DOCK4: variants seen among roughly 807,000 people sequenced by gnomAD.
DOCK4 encodes the protein dedicator of cytokinesis protein 4.
A neutral mutation model predicts 268.1 loss-of-function variants in DOCK4; 97 were observed. The observed-to-expected ratio is 0.36, with a 90% CI of 0.31 to 0.43. The LOEUF is 0.43. Ranked by LOEUF, DOCK4 falls within the 20% of genes least tolerant of loss-of-function variation. The pLI is 1.00. For missense variants in DOCK4, 2,145 were observed against 2,455.7 expected (o/e 0.87, Z 2.67); for synonymous variants, 954 against 887.2 (o/e 1.08, Z -1.34).
At chr7:111,843,667 C>G (rs1240965637) in intron 25 of DOCK4, among the ~76,000 whole-genome samples, 6 of 151,980 alleles carry the variant, frequency 3.9e-5, no homozygotes, top group African/African-American at 1.4e-4. Context: ...ATTTTATATT[C>G]CTGTATATAT....
At chr7:112,093,733 G>C (rs10278148) in intron 1 of DOCK4, among the ~76,000 whole-genome samples, 1 of 152,104 alleles carries the variant, frequency 6.6e-6, no homozygotes, top group Non-Finnish European at 1.5e-5. Context: ...AGTTTTTAAG[G>C]AAGAGAACGT....
At chr7:112,162,014 C>G (rs948331432) in intron 1 of DOCK4, among the ~76,000 whole-genome samples, 1 of 152,092 alleles carries the variant, frequency 6.6e-6, no homozygotes, top group Admixed American at 6.6e-5. Flanking sequence ...TGTATAAAAG[C>G]TTGTGAAAAA....
In DOCK4 at chr7:111,732,270, T is replaced by G. The variant is rs1345724187; in HGVS notation, c.5437A>C (p.Thr1813Pro). The G allele has an allele frequency of 4.3e-6, 7 of 1,613,860 alleles. No homozygotes were observed. Among genetic ancestry groups the G allele is most frequent in the Non-Finnish European group, 4.2e-6 (5 of 1,179,884 alleles). Residue 1813 changes from threonine (T) to proline (P), a missense_variant, in exon 52 of 53, where the codon ACG becomes CCG. This residue lies in a region of DOCK4 where 547 missense variants were observed against 469.0 expected (regional missense o/e 1.17). Coordinates refer to ENST00000428084, the MANE Select transcript of DOCK4 (RefSeq NM_001363540.2). ...PTQTASPARH[T>P]TSVSPSPAGR... ...GCAGGCGAGGGGGATACTGATGTCG[T>G]GTGTCTTGCTGGTGAAGCTGTCAAT...
intron 46 of DOCK4, 120 bp downstream of exon 46, chr7:111,741,420 G>T (rs1349296559): frequency 2.1e-6 from 3 of 1,452,084 alleles, no homozygotes; most frequent in Non-Finnish European, 2.8e-6. Flanking sequence ...TGCCTCGCGG[G>T]TTAGTTATTT....
chr7:112,008,928 G>C (rs989925020), intron 1 of DOCK4, among the ~76,000 whole-genome samples: 1 of 152,230 alleles, frequency 6.6e-6, no homozygotes, highest in African/African-American at 2.4e-5. Context: ...GGGAGGCGGA[G>C]GTTGCAGTGA....
intron 52 of DOCK4, among the ~76,000 whole-genome samples, chr7:111,730,358 G>A (rs1352417924): frequency 6.6e-6 from 1 of 152,080 alleles, no homozygotes; most frequent in African/African-American, 2.4e-5. Flanking sequence ...TTTCTCCCCC[G>A]CTTATTACAT....
At chr7:112,134,989 A>G (rs957767630) in intron 1 of DOCK4, among the ~76,000 whole-genome samples, 6 of 152,042 alleles carry the variant, frequency 3.9e-5, no homozygotes, top group African/African-American at 1.5e-4. Flanking sequence ...ATTAAAACAT[A>G]TATGTGTGTG....
At chr7:111,878,125 G>T (rs1807067786) in intron 16 of DOCK4, among the ~76,000 whole-genome samples, 1 of 152,196 alleles carries the variant, frequency 6.6e-6, no homozygotes, top group East Asian at 1.9e-4. Flanking sequence ...GAATCCAAAA[G>T]ATGGGGGTTT....
intron 1 of DOCK4, among the ~76,000 whole-genome samples, chr7:112,094,622 G>T (rs1809939477): frequency 6.6e-6 from 1 of 152,116 alleles, no homozygotes; most frequent in Non-Finnish European, 1.5e-5. Context: ...AGAAAGTTTT[G>T]AAACTGAAAA....
At chr7:111,921,615 A>G (rs1793144720) in intron 12 of DOCK4, among the ~76,000 whole-genome samples, 2 of 152,220 alleles carry the variant, frequency 1.3e-5, no homozygotes, top group Admixed American at 1.3e-4. Flanking sequence ...TTTAAGAATC[A>G]TATCATATGG....
chr7:112,187,761 G>T (rs1370571538), intron 1 of DOCK4, among the ~76,000 whole-genome samples: 1 of 152,154 alleles, frequency 6.6e-6, no homozygotes. Flanking sequence ...GACCAATTTT[G>T]CACAGTATGG....
intron 1 of DOCK4, among the ~76,000 whole-genome samples, chr7:112,059,436 C>T (rs1247322044): frequency 6.6e-6 from 1 of 152,174 alleles, no homozygotes; most frequent in Non-Finnish European, 1.5e-5. Context: ...GCCACCACCC[C>T]ACCCGCGTTT....
chr7:111,851,032 C>T (rs968328996), intron 23 of DOCK4, among the ~76,000 whole-genome samples: 5 of 152,172 alleles, frequency 3.3e-5, no homozygotes, highest in Admixed American at 6.5e-5. Context: ...GATGCTAGAA[C>T]AATTGGATAC....
intron 31 of DOCK4, among the ~76,000 whole-genome samples, chr7:111,790,058 T>C (rs1799423952): frequency 6.6e-6 from 1 of 152,172 alleles, no homozygotes; most frequent in Non-Finnish European, 1.5e-5. Context: ...TAAAACATAC[T>C]GTAAATCAAA....
intron 8 of DOCK4, among the ~76,000 whole-genome samples, chr7:111,949,609 C>A (rs1029319326): frequency 6.6e-6 from 1 of 151,402 alleles, no homozygotes; most frequent in African/African-American, 2.4e-5. Context: ...ATGTACAGTT[C>A]TTTTAAAAGC....
intron 23 of DOCK4, among the ~76,000 whole-genome samples, chr7:111,860,458 C>T (rs148925699): frequency 5.3e-5 from 8 of 152,326 alleles, no homozygotes; most frequent in African/African-American, 1.4e-4. Flanking sequence ...CATCCTGCTG[C>T]GGCAGTGACA....
In DOCK4 at chr7:111,994,215, T is replaced by A; in HGVS notation, c.235A>T (p.Ile79Phe). The A allele has an allele frequency of 6.3e-7, 1 of 1,592,362 alleles. No individual in the cohort carries two copies. The highest frequency in any genetic ancestry group is 8.6e-7 in the Non-Finnish European group (1 of 1,167,430). Residue 79 changes from isoleucine (I) to phenylalanine (F), a missense_variant, in exon 5 of 53, where the codon ATT becomes TTT. Ile to Phe is a conservative substitution (Grantham distance 21). Around this residue, in one of 2 missense-constraint regions of DOCK4, gnomAD observed 1,598 missense variants for 1,986.7 expected, o/e 0.80. Transcript: ENST00000428084. The part of the protein sequence containing the change: ...VKNKGQFEMV[I>F]PTEDSVITEM... Reference sequence around the variant, plus strand: ...GTGATAACAGAGTCTTCAGTGGGAATAACCATTTCAAATTGTCTGTGAAAT... The same window carrying A: ...GTGATAACAGAGTCTTCAGTGGGAAAAACCATTTCAAATTGTCTGTGAAAT...
chr7:112,123,696 C>A (rs950240107), intron 1 of DOCK4, among the ~76,000 whole-genome samples: 7 of 152,180 alleles, frequency 4.6e-5, no homozygotes, highest in Admixed American at 3.3e-4. Flanking sequence ...ATACCCATGG[C>A]AACTTGTATA....
intron 19 of DOCK4, 52 bp from the exon 20 acceptor site, chr7:111,872,142 C>CTT (rs1257215835): frequency 1.6e-5 from 19 of 1,214,136 alleles, no homozygotes; most frequent in South Asian, 3.4e-5. Flanking sequence ...CAAGGTTTTC[C>CTT]TTTTTTTTTT....
Sources: gnomAD v4.1 joint callset for allele counts (sites outside exome capture counted in the v4.1 genomes callset) on GRCh38, gnomAD v4.1.1 for gene constraint, gnomAD v4.1.1 regional missense constraint, MANE v1.5 for transcripts, NCBI Gene and HGNC (gene_info 2026-07-23, HGNC 2026-07-21) for gene names.